SERGEF: variants seen among roughly 807,000 people sequenced by gnomAD.
The protein encoded by SERGEF is secretion-regulating guanine nucleotide exchange factor.
SERGEF carries 51 observed loss-of-function variants against 50.0 expected under a neutral mutation model. The ratio of observed to expected loss-of-function variants is 1.02; its 90% CI spans 0.81 to 1.29. The LOEUF is 1.29. SERGEF is among the 50% of genes most tolerant of loss of function. SERGEF has a pLI of 0.00. For synonymous variants in SERGEF, 205 were observed against 212.4 expected, an observed-to-expected ratio of 0.97 and a Z score of 0.30; for missense variants, 521 against 557.0, an observed-to-expected ratio of 0.94 and a Z score of 0.65.
chr11:17,895,224 T>C (rs919740563), intron 9 of SERGEF, among the ~76,000 whole-genome samples: 1 of 152,194 alleles, frequency 6.6e-6, no homozygotes, highest in African/African-American at 2.4e-5. Flanking sequence ...GATTTTGTGA[T>C]TAAAACAAAA....
At chr11:17,969,498 T>C (rs1853199216) in intron 8 of SERGEF, among the ~76,000 whole-genome samples, 1 of 151,996 alleles carries the variant, frequency 6.6e-6, no homozygotes, top group African/African-American at 2.4e-5. Context: ...ACAGAAAAGC[T>C]AGTAGTAGGC....
intron 10 of SERGEF, among the ~76,000 whole-genome samples, chr11:17,819,839 TTTGTTG>T (rs201497274): frequency 6.6e-6 from 1 of 152,030 alleles, no homozygotes; most frequent in Non-Finnish European, 1.5e-5. Context: ...CTTTTGCTTT[TTTGTTG>T]TTGTTGTTGT....
intron 10 of SERGEF, among the ~76,000 whole-genome samples, chr11:17,794,263 CCTT>C (rs1849535084): frequency 6.6e-6 from 1 of 152,178 alleles, no homozygotes; most frequent in African/African-American, 2.4e-5. Flanking sequence ...ACTCTTTGCT[CCTT>C]CTTCTTTGTC....
intron 10 of SERGEF, among the ~76,000 whole-genome samples, chr11:17,791,686 C>T (rs118160308): frequency 1.4e-3 from 210 of 152,312 alleles, no homozygotes; most frequent in Middle Eastern, 3.4e-3. Flanking sequence ...CTAGTTGTGC[C>T]GCTTCAAGCA....
At chr11:17,837,528 T>C (rs1458283247) in intron 10 of SERGEF, among the ~76,000 whole-genome samples, 1 of 151,476 alleles carries the variant, frequency 6.6e-6, no homozygotes, top group East Asian at 2.0e-4. Flanking sequence ...ATGTGATCTC[T>C]GCATATGTTG....
intron 5 of SERGEF, among the ~76,000 whole-genome samples, chr11:17,998,862 C>T (rs1349611627): frequency 6.6e-5 from 10 of 151,548 alleles, no homozygotes; most frequent in Non-Finnish European, 1.3e-4. Context: ...GAAACCAATC[C>T]TGACAACACA....
At chr11:17,867,369 A>G (rs552158794) in intron 10 of SERGEF, among the ~76,000 whole-genome samples, 1 of 152,368 alleles carries the variant, frequency 6.6e-6, no homozygotes, top group African/African-American at 2.4e-5. Context: ...GTCAAATCTT[A>G]AAGTTCCAAA....
At position 18,006,576 on chromosome 11, in the gene SERGEF, T is replaced by C; in HGVS notation, c.352+15A>G. 3 of 1,611,438 alleles carry C rather than the reference T, an allele frequency of 1.9e-6. No homozygotes were observed. Among genetic ancestry groups the C allele is most frequent in the Non-Finnish European group, 2.5e-6 (3 of 1,178,982 alleles). On this transcript the variant is annotated intron_variant, in intron 3 of 10. Transcript: ENST00000265965. ...GCCTTTGTGGTGACAAAAATCTACC[T>C]AGGAGTGAACTCACCTGTGAGCATA...
chr11:17,980,794 T>C (rs966127680), intron 8 of SERGEF, among the ~76,000 whole-genome samples: 1 of 152,248 alleles, frequency 6.6e-6, no homozygotes, highest in East Asian at 1.9e-4. Context: ...TTTGTCATTA[T>C]AAATTAGGCT....
chr11:17,788,446 G>A (rs370449817), intron 10 of SERGEF, 33 bp from the exon 11 acceptor site: 2 of 1,551,510 alleles, frequency 1.3e-6, no homozygotes, highest in Admixed American at 3.6e-5. Flanking sequence ...CTGTAGAAGA[G>A]GTTTTGGATA....
intron 10 of SERGEF, among the ~76,000 whole-genome samples, chr11:17,841,092 C>G (rs1310797450): frequency 3.9e-5 from 6 of 152,164 alleles, no homozygotes; most frequent in African/African-American, 1.4e-4. Flanking sequence ...GGAAATAGAA[C>G]CACAAGGGTG....
chr11:18,004,481 G>A lies in SERGEF; in HGVS notation c.407C>T (p.Pro136Leu), dbSNP rs1445866134. ...GSNSFGQLGVPHGPRRCVVPQ... is the reference protein window; with the variant it reads ...GSNSFGQLGVLHGPRRCVVPQ... ...AACCACACATCTTCGAGGTCCATGA[G>A]GAACTCCTAACTGGCCAAAGGAGTT... The change falls in exon 4 of 11, where the codon CCT (proline) becomes CTT (leucine). Residue 136 changes from proline (P) to leucine (L), a missense_variant. Transcript: ENST00000265965. 3.7e-6 allele frequency: 6 copies of A among 1,613,954 alleles called. No homozygotes were observed. The highest frequency in any genetic ancestry group is 1.3e-5 in the African/African-American group (1 of 75,058).
At chr11:17,839,387 G>A (rs1020769854) in intron 10 of SERGEF, among the ~76,000 whole-genome samples, 4 of 152,034 alleles carry the variant, frequency 2.6e-5, no homozygotes, top group South Asian at 2.1e-4. Context: ...TCATAAAATC[G>A]GCTTTAGTAA....
intron 9 of SERGEF, among the ~76,000 whole-genome samples, chr11:17,904,999 A>G (rs1439476461): frequency 6.6e-6 from 1 of 152,232 alleles, no homozygotes; most frequent in South Asian, 2.1e-4. Flanking sequence ...CTTCCAAAAC[A>G]TGTTGGTCTT....
chr11:17,966,910 T>G (rs1565217721), intron 8 of SERGEF, among the ~76,000 whole-genome samples: 1 of 152,212 alleles, frequency 6.6e-6, no homozygotes, highest in African/African-American at 2.4e-5. Context: ...TTAAGTTACA[T>G]AATTAAATCA....
At chr11:17,937,997 C>G (rs1852487200) in intron 9 of SERGEF, among the ~76,000 whole-genome samples, 1 of 152,198 alleles carries the variant, frequency 6.6e-6, no homozygotes, top group Admixed American at 6.5e-5. Flanking sequence ...TCCAGGGGAA[C>G]AACCCTAGCA....
At chr11:17,995,093 A>T (rs1282976336) in intron 6 of SERGEF, among the ~76,000 whole-genome samples, 1 of 152,196 alleles carries the variant, frequency 6.6e-6, no homozygotes, top group Non-Finnish European at 1.5e-5. Flanking sequence ...GAGAGCAGAG[A>T]GAGAGAAAGA....
intron 10 of SERGEF, among the ~76,000 whole-genome samples, chr11:17,874,825 T>C (rs932856401): frequency 2.6e-5 from 4 of 152,186 alleles, no homozygotes; most frequent in African/African-American, 9.6e-5. Context: ...GATCTTGCCA[T>C]GGACCCTGAT....
At chr11:17,854,325 C>T (rs1356945737) in intron 10 of SERGEF, among the ~76,000 whole-genome samples, 1 of 152,144 alleles carries the variant, frequency 6.6e-6, no homozygotes, top group African/African-American at 2.4e-5. Context: ...GGTAAGATGC[C>T]TAGTGTTCCA....
Sources: gnomAD v4.1 joint callset for allele counts (sites outside exome capture counted in the v4.1 genomes callset) on GRCh38, gnomAD v4.1.1 for gene constraint, MANE v1.5 for transcripts, NCBI Gene and HGNC (gene_info 2026-07-23, HGNC 2026-07-21) for gene names.